The following TTN variants were observed in gnomAD, a reference collection of about 807,000 sequenced individuals.
TTN encodes titin.
TTN carries 1,525 observed loss-of-function variants against 3,223.0 expected under a neutral mutation model. That is an observed-to-expected ratio of 0.47 (90% CI 0.45 to 0.49). The LOEUF (loss-of-function observed/expected upper bound fraction) is 0.49. Ranked by LOEUF, TTN falls within the 20% of genes least tolerant of loss-of-function variation. TTN has a pLI of 0.00. For synonymous variants in TTN, 14,094 were observed against 15,161.0 expected (o/e 0.93, Z 5.17); for missense variants, 40,786 against 43,424.0 (o/e 0.94, Z 5.40).
Position 178,730,961 on chromosome 2 carries a change from C to T in TTN, c.17704G>A (p.Gly5902Arg), listed in dbSNP as rs770836683. 1 of 1,611,356 alleles carries T rather than the reference C, an allele frequency of 6.2e-7. No individual in the cohort carries two copies. Among genetic ancestry groups the T allele is most frequent in the Admixed American group, 1.7e-5 (1 of 59,938 alleles). Residue 5902 changes from glycine (G) to arginine (R), a missense_variant, in exon 60 of 363, where the codon GGG (glycine) becomes AGG (arginine). Transcript: ENST00000589042. ...EYTFEVQNDVGRSSCKARINV... is the reference protein window; with the variant it reads ...EYTFEVQNDVRRSSCKARINV... Reference sequence around the variant, plus strand: ...ATTCTAGCCTTGCAGCTGCTCCTCCCAACATCATTTTGGACCTCGAAAGTA... The same window carrying T: ...ATTCTAGCCTTGCAGCTGCTCCTCCTAACATCATTTTGGACCTCGAAAGTA...
Position 178,747,588 on chromosome 2 carries a change from T to C in TTN, c.11311+5536A>G, listed in dbSNP as rs145581345. 1.1e-3 allele frequency: 1,726 copies of C among 1,613,268 alleles called. 1 individual carries two copies. Among genetic ancestry groups the C allele is most frequent in the Non-Finnish European group, 1.3e-3 (1,548 of 1,179,514 alleles). ...TTGAAAGTTACTTCTTCCACCTCCA[T>C]TGAAGTGATTGATTCACTCTGGACA... On this transcript the variant is annotated intron_variant, in intron 47 of 362. Coordinates refer to ENST00000589042, the MANE Select transcript of TTN (RefSeq NM_001267550.2).
Position 178,564,747 on chromosome 2 carries a change from C to G in TTN, c.81385G>C (p.Asp27129His), listed in dbSNP as rs778910088. The stretch of plus-strand genomic sequence containing the variant: ...AGCCCAGTTGTTTTGAATTTGGTGT[C>G]CTGAATGGGGGTCTTATTTAACTTG... ...WVKLNKTPIQ[D>H]TKFKTTGLDE... Residue 27129 changes from aspartate to histidine, a missense_variant, in exon 326 of 363, where the codon GAC becomes CAC. By Grantham distance (81) the Asp-to-His change is moderately conservative. Transcript: ENST00000589042. 1.2e-6 allele frequency: 2 copies of G among 1,612,776 alleles called. No homozygotes were observed. Among genetic ancestry groups the G allele is most frequent in the Admixed American group, 3.3e-5 (2 of 59,866 alleles).
At position 178,799,381 on chromosome 2, in the gene TTN, C is replaced by G. The variant is rs571181340; in HGVS notation, c.914+106G>C. ...AGCAGCGGGACACTGAAGAAGCGAA[C>G]CACTCTCCGCGTCGCATGCCCTGCG... is the stretch of plus-strand genomic sequence containing the variant. On this transcript the variant is annotated intron_variant, in intron 6 of 362. Coordinates refer to ENST00000589042, the MANE Select transcript of TTN (RefSeq NM_001267550.2). 1.0e-4 allele frequency: 157 copies of G among 1,568,696 alleles called. 3 individuals are homozygous for G. In the South Asian group the frequency reaches 1.7e-3, roughly 17 times the overall value.
rs1423646456 is a variant in TTN at position 178,790,064 on chromosome 2, G to C, written c.1852C>G (p.Pro618Ala). 1 of 1,613,066 alleles carries C rather than the reference G, an allele frequency of 6.2e-7. No individual in the cohort carries two copies. Residue 618 changes from proline to alanine, a missense_variant, in exon 12 of 363, where the codon CCC becomes GCC. Pro to Ala is a conservative substitution (Grantham distance 27, BLOSUM62 -1). Coordinates refer to ENST00000589042, the MANE Select transcript of TTN (RefSeq NM_001267550.2). ...TVVPKVIVAT[P>A]KVKEQDLVSR... is the part of the protein sequence containing the mutation. ...ACTAAATCTTGTTCTTTGACTTTGG[G>C]TGTGGCAACTATGACTTTAGGTACA...
In TTN at chr2:178,631,269, T is replaced by C; in HGVS notation, c.43779A>G (p.Gln14593=). The C allele has an allele frequency of 1.2e-6, 2 of 1,610,830 alleles. No homozygotes were observed. The highest frequency in any genetic ancestry group is 1.7e-6 in the Non-Finnish European group (2 of 1,178,886). Residue 14593 remains glutamine, a synonymous_variant, in exon 237 of 363, where the codon CAA becomes CAG. Transcript: ENST00000589042. ...EGDPYFTGKL[Q]DYTGVEKDEV... Reference sequence around the variant, plus strand: ...CATCTTTCTCTACACCAGTATAATCTTGAAGTTTTCCTGTAAAATATGGGT... The same window carrying C: ...CATCTTTCTCTACACCAGTATAATCCTGAAGTTTTCCTGTAAAATATGGGT...
At chr2:178,751,066 A>G (rs1416881528) in intron 47 of TTN, 7 of 1,612,698 alleles carry the variant, frequency 4.3e-6, no homozygotes, top group Non-Finnish European at 5.9e-6. Context: ...GATCCATTTG[A>G]TTAGAAAGGG....
At chr2:178,679,842 C>T in intron 140 of TTN, 52 bp downstream of exon 140, 1 of 1,602,804 alleles carries the variant, frequency 6.2e-7, no homozygotes, top group Non-Finnish European at 8.5e-7. Context: ...AAATCAGACC[C>T]CCAAACTCCA....
At chr2:178,668,009 C>G (rs1446624545) in intron 159 of TTN, among the ~76,000 whole-genome samples, 2 of 151,932 alleles carry the variant, frequency 1.3e-5, no homozygotes, top group Non-Finnish European at 2.9e-5. Flanking sequence ...TAAAATTGTC[C>G]TATTGGTCTT....
Position 178,722,071 on chromosome 2 carries a change from C to A in TTN, c.22592G>T (p.Ser7531Ile). ...PVSIDVIAGE[S>I]ADFECHVTGA... The stretch of plus-strand genomic sequence containing the variant: ...AGTAACATGACACTCAAAATCAGCA[C>A]TTTCTCCAGCAATAACATCTATAGA... Residue 7531 changes from serine (S) to isoleucine (I), a missense_variant, in exon 78 of 363, where the codon AGT becomes ATT. Physicochemically the swap from Ser to Ile is moderately radical, Grantham distance 142. Coordinates refer to ENST00000589042, the MANE Select transcript of TTN (RefSeq NM_001267550.2). 6.2e-7 allele frequency: 1 copy of A among 1,611,292 alleles called. No homozygotes were observed. The highest frequency in any genetic ancestry group is 8.5e-7 in the Non-Finnish European group (1 of 1,178,440).
intron 294 of TTN, 49 bp from the exon 295 acceptor site, chr2:178,595,858 TAATGCTC>T: frequency 6.6e-7 from 1 of 1,516,724 alleles, no homozygotes; most frequent in South Asian, 1.3e-5. Flanking sequence ...CAATGAAAGA[TAATGCTC>T]AACACTTGTT....
At chr2:178,806,496 T>A (rs1256038554) in intron 1 of TTN, among the ~76,000 whole-genome samples, 1 of 152,252 alleles carries the variant, frequency 6.6e-6, no homozygotes, top group Non-Finnish European at 1.5e-5. Context: ...TGTGCTGAGT[T>A]AAAATGCATG....
rs2056864466 is a variant in TTN at position 178,614,170 on chromosome 2, G to C, written c.49227C>G (p.Asn16409Lys). The change falls in exon 262 of 363, where the codon AAC becomes AAG. Residue 16409 changes from asparagine to lysine, a missense_variant. Coordinates refer to ENST00000589042, the MANE Select transcript of TTN (RefSeq NM_001267550.2). ...TGGGGATTAATTTGGTGGCCTTGAA[G>C]TTTGTATCCTTGACGGTGGATGAGA... is the stretch of plus-strand genomic sequence containing the variant. ...HKLSSTVKDT[N>K]FKATKLIPNK... The C allele has an allele frequency of 6.2e-7, 1 of 1,612,496 alleles. No homozygotes were observed. The highest frequency in any genetic ancestry group is 8.5e-7 in the Non-Finnish European group (1 of 1,179,236).
Position 178,694,591 on chromosome 2 carries a change from A to T in TTN, c.31426+8T>A. 1 of 1,550,414 alleles carries T rather than the reference A, an allele frequency of 6.4e-7. No homozygotes were observed. The highest frequency in any genetic ancestry group is 8.7e-7 in the Non-Finnish European group (1 of 1,145,806). ...TTGAACTTGTAGCTGAAACACAAAG[A>T]TGTATACCTTTCACTTCAATAACTT... is the stretch of plus-strand genomic sequence containing the variant. On this transcript the variant is annotated splice_region_variant and intron_variant, in intron 117 of 362. Transcript: ENST00000589042.
In TTN at chr2:178,667,736, G is replaced by A; in HGVS notation, c.35546-15C>T. 4.0e-6 allele frequency: 6 copies of A among 1,495,656 alleles called. No homozygotes were observed. The highest frequency in any genetic ancestry group is 3.5e-5 in the South Asian group (3 of 84,680). 92.6% of individuals were successfully genotyped at this position (1,495,656 alleles called of 1,614,324 possible). On this transcript the variant is annotated splice_polypyrimidine_tract_variant and intron_variant, in intron 159 of 362. Transcript: ENST00000589042. ...TGCTTCATAAACTTTAAAGATATTA[G>A]TATTTAAATAATTAGGATGTTTCAA... is the stretch of plus-strand genomic sequence containing the variant.
chr2:178,554,837 A>T, intron 331 of TTN, 28 bp downstream of exon 331: 3 of 1,613,226 alleles, frequency 1.9e-6, no homozygotes, highest in Non-Finnish European at 2.5e-6. Context: ...CAAATGTAAT[A>T]TGACAGTGGT....
chr2:178,575,578 A>T lies in TTN; in HGVS notation c.70554T>A (p.Gly23518=), dbSNP rs1483355164. 6 of 1,613,624 alleles carry T rather than the reference A, an allele frequency of 3.7e-6. No homozygotes were observed. The highest frequency in any genetic ancestry group is 5.1e-6 in the Non-Finnish European group (6 of 1,179,654). Residue 23518 remains glycine (G), a synonymous_variant, in exon 326 of 363, where the codon GGT becomes GGA. Transcript: ENST00000589042. The surrounding 1 kb of genome is among the most constrained non-coding windows in gnomAD (Gnocchi z 4.0). ...CGGGCTCTGTAGTTTCTGTTGGCTC[A>T]CCAATTCCATATTCATTCTCTGCCA... ...RVMAENEYGI[G]EPTETTEPVK...
In TTN at chr2:178,615,310, G is replaced by A; in HGVS notation, c.48635C>T (p.Thr16212Ile). The A allele has an allele frequency of 6.2e-7, 1 of 1,612,056 alleles. No individual in the cohort carries two copies. ...TCATGCCAAATTAAAAACCTACTTT[G>A]TTTCTGCAACAGGTTCTCCACAGGC... ...WVACGEPVAETKMEVTGLEEG... is the reference protein window; with the variant it reads ...WVACGEPVAEIKMEVTGLEEG... The change falls in exon 259 of 363, where the codon ACA (threonine) becomes ATA (isoleucine). Residue 16212 changes from threonine (T) to isoleucine (I), a missense_variant. Transcript: ENST00000589042.
rs766538774 is a variant in TTN at position 178,542,773 on chromosome 2, C to T, written c.97081G>A (p.Val32361Ile). The T allele has an allele frequency of 6.2e-6, 10 of 1,613,668 alleles. No homozygotes were observed. Among genetic ancestry groups the T allele is most frequent in the South Asian group, 4.4e-5 (4 of 91,084 alleles). Residue 32361 changes from valine to isoleucine, a missense_variant, in exon 348 of 363, where the codon GTA becomes ATA. By Grantham distance (29) the Val-to-Ile change is conservative (BLOSUM62 3). Transcript: ENST00000589042. ...ERVTVETHTK[V>I]AKLTIRETTI... Reference sequence around the variant, plus strand: ...GTTTCACGGATGGTTAATTTAGCTACTTTAGTGTGAGTTTCAACTGTGACA... The same window carrying T: ...GTTTCACGGATGGTTAATTTAGCTATTTTAGTGTGAGTTTCAACTGTGACA...
Position 178,696,201 on chromosome 2 carries a change from C to A in TTN, c.30871G>T (p.Glu10291Ter). ...ACAGCTTCTTTTTCTTTCTGAACCT[C>A]TTTCTTTCTGGTTATAGTCATTATT... The part of the protein sequence containing the change: ...VKIMTITRKK[E>*]VQKEKEAVYE... The change falls in exon 114 of 363, where the codon GAG becomes TAG. Residue 10291 changes from glutamate (E) to a stop codon, truncating the protein, a stop_gained. Transcript: ENST00000589042. LOFTEE classifies it high-confidence loss of function. 1 of 1,563,942 alleles carries A rather than the reference C, an allele frequency of 6.4e-7. No homozygotes were observed. Among genetic ancestry groups the A allele is most frequent in the Non-Finnish European group, 8.7e-7 (1 of 1,152,848 alleles).
Sources: allele counts gnomAD v4.1 joint callset (sites outside exome capture counted in the v4.1 genomes callset), GRCh38; gene constraint gnomAD v4.1.1; non-coding constraint Gnocchi (gnomAD v3.1); transcripts MANE v1.5; gene names NCBI Gene and HGNC (gene_info 2026-07-23, HGNC 2026-07-21).